The following BMPR1A variants were observed in gnomAD, a reference collection of about 807,000 sequenced individuals.
BMPR1A encodes bone morphogenetic protein receptor type 1A, also known as bone morphogenetic protein receptor type-1A.
BMPR1A carries 7 observed loss-of-function variants against 66.0 expected under a neutral mutation model. That is an observed-to-expected ratio of 0.11 (90% CI 0.06 to 0.20). BMPR1A has a LOEUF of 0.20. Ranked by LOEUF, BMPR1A falls within the 10% of genes least tolerant of loss-of-function variation. BMPR1A has a pLI of 1.00. For missense variants in BMPR1A, 408 were observed against 669.1 expected (o/e 0.61, Z 4.31); for synonymous variants, 200 against 229.7 (o/e 0.87, Z 1.17).
At chr10:86,898,904 G>A (rs984365438) in intron 5 of BMPR1A, among the ~76,000 whole-genome samples, 66 of 152,134 alleles carry the variant, frequency 4.3e-4, no homozygotes, top group African/African-American at 1.5e-3. Context: ...TTGTTTAAAA[G>A]TTATTAATAA....
rs190548372 is a variant in BMPR1A at position 86,788,844 on chromosome 10, C to T, written c.-268+31925C>T. On this transcript the variant is annotated intron_variant, in intron 1 of 12. Transcript: ENST00000372037. ...CTGGTCTCGAACTCCTGACCTTAGG[C>T]GATTCACCCACCTCAGTCTCCCAAA... Among the ~76,000 whole-genome samples, 334 of 152,108 alleles carry T rather than the reference C, an allele frequency of 2.2e-3. 1 individual carries two copies. Among genetic ancestry groups the T allele is most frequent in the African/African-American group, 7.8e-3 (322 of 41,496 alleles).
At chr10:86,791,477 G>A (rs1487827517) in intron 1 of BMPR1A, among the ~76,000 whole-genome samples, 1 of 151,946 alleles carries the variant, frequency 6.6e-6, no homozygotes, top group Non-Finnish European at 1.5e-5. Context: ...CTCCCAAAGT[G>A]CTGGGATTAC....
chr10:86,777,050 A>G (rs1039764359), intron 1 of BMPR1A, among the ~76,000 whole-genome samples: 5 of 152,092 alleles, frequency 3.3e-5, no homozygotes, highest in African/African-American at 9.7e-5. Context: ...CATTGACCCT[A>G]TTATCTTTGC....
intron 1 of BMPR1A, among the ~76,000 whole-genome samples, chr10:86,776,025 CTCTTTTTCTATTTGCCT>C (rs2061289195): frequency 6.6e-6 from 1 of 152,168 alleles, no homozygotes; most frequent in Admixed American, 6.5e-5. Flanking sequence ...TCCATTGTCT[CTCTTTTTCTATTTGCCT>C]TCTTGTTCTT....
intron 1 of BMPR1A, among the ~76,000 whole-genome samples, chr10:86,790,502 A>G (rs1390338017): frequency 6.6e-6 from 1 of 152,070 alleles, no homozygotes; most frequent in Non-Finnish European, 1.5e-5. Context: ...TTGTGCATGA[A>G]AGTTTACAGC....
At chr10:86,818,866 G>T (rs867028411) in intron 1 of BMPR1A, among the ~76,000 whole-genome samples, 1 of 152,116 alleles carries the variant, frequency 6.6e-6, no homozygotes, top group African/African-American at 2.4e-5. Flanking sequence ...ATAGGATACA[G>T]TTTCCAAGAA....
intron 2 of BMPR1A, among the ~76,000 whole-genome samples, chr10:86,854,141 A>G (rs914337259): frequency 5.9e-5 from 9 of 152,212 alleles, no homozygotes; most frequent in Non-Finnish European, 2.9e-5. Context: ...AGAATTCAGC[A>G]ATATTTCTCC....
At position 86,924,010 on chromosome 10, in the gene BMPR1A, GTC is replaced by G; in HGVS notation, c.*294_*295del. 1 of 457,256 alleles carries G rather than the reference GTC, an allele frequency of 2.2e-6. No homozygotes were observed. The highest frequency in any genetic ancestry group is 3.9e-5 in the East Asian group (1 of 25,924). The allele number at this position is 457,256 out of a possible 1,614,324, so 28.3% of individuals were successfully genotyped here. On this transcript the variant is annotated 3_prime_UTR_variant, in exon 13 of 13. Coordinates refer to ENST00000372037, the MANE Select transcript of BMPR1A (RefSeq NM_004329.3). Reference sequence around the variant, plus strand: ...CATCAAGACTTCAATCCTGATTAGTGTCTCCAGTCAAGCTCTGGGTACTGAAT... The same window carrying G: ...CATCAAGACTTCAATCCTGATTAGTGTCCAGTCAAGCTCTGGGTACTGAAT...
chr10:86,904,140 G>A (rs901862948), intron 7 of BMPR1A, among the ~76,000 whole-genome samples: 2 of 152,200 alleles, frequency 1.3e-5, no homozygotes, highest in Non-Finnish European at 2.9e-5. Flanking sequence ...CTGGCCTCAA[G>A]TGATCCACCT....
chr10:86,899,591 A>G (rs552075020), intron 5 of BMPR1A, among the ~76,000 whole-genome samples: 20 of 152,230 alleles, frequency 1.3e-4, no homozygotes, highest in Non-Finnish European at 1.9e-4. Context: ...CACCATCCAC[A>G]TAGATATGTT....
chr10:86,888,416 C>T (rs1352266371), intron 3 of BMPR1A, among the ~76,000 whole-genome samples: 1 of 151,970 alleles, frequency 6.6e-6, no homozygotes, highest in Non-Finnish European at 1.5e-5. Context: ...TGCAGTGAGT[C>T]GAGATTGCAC....
intron 1 of BMPR1A, among the ~76,000 whole-genome samples, chr10:86,828,376 G>C (rs1842224688): frequency 6.6e-6 from 1 of 152,124 alleles, no homozygotes; most frequent in Non-Finnish European, 1.5e-5. Context: ...TGCATTCCAG[G>C]TAGCGGTTCA....
At chr10:86,770,797 G>A (rs1414641334) in intron 1 of BMPR1A, among the ~76,000 whole-genome samples, 1 of 152,222 alleles carries the variant, frequency 6.6e-6, no homozygotes, top group Non-Finnish European at 1.5e-5. Flanking sequence ...GTGGAAAAGG[G>A]AGATTTGACC....
intron 1 of BMPR1A, among the ~76,000 whole-genome samples, chr10:86,792,208 C>G (rs943246680): frequency 7.9e-5 from 12 of 151,472 alleles, no homozygotes; most frequent in African/African-American, 2.7e-4. Flanking sequence ...GCTGGGATTA[C>G]GGGCACACGC....
intron 2 of BMPR1A, among the ~76,000 whole-genome samples, chr10:86,852,151 G>A (rs951135297): frequency 6.6e-6 from 1 of 151,856 alleles, no homozygotes; most frequent in Non-Finnish European, 1.5e-5. Flanking sequence ...TCAAGCACAC[G>A]TGGAGTGTTT....
In BMPR1A at chr10:86,851,690, A is replaced by T. The variant is rs577131887; in HGVS notation, c.-153+12711A>T. ...CATTGTAGTTACTCTGGCAAAGAACAACGAAGACACAAAAGCTGTGCAGAG... is the reference window on the plus strand; with the variant it reads ...CATTGTAGTTACTCTGGCAAAGAACTACGAAGACACAAAAGCTGTGCAGAG... On this transcript the variant is annotated intron_variant, in intron 2 of 12. Coordinates refer to ENST00000372037, the MANE Select transcript of BMPR1A (RefSeq NM_004329.3). Among the ~76,000 whole-genome samples the T allele has an allele frequency of 9.2e-5, 14 of 152,296 alleles. No homozygotes were observed. In the South Asian group the frequency reaches 2.9e-3, roughly 32 times the overall value.
intron 1 of BMPR1A, among the ~76,000 whole-genome samples, chr10:86,759,160 G>A (rs1410214862): frequency 6.6e-6 from 1 of 152,208 alleles, no homozygotes; most frequent in Admixed American, 6.5e-5. Context: ...GGCAGATTGT[G>A]AAGGATGAGC....
chr10:86,900,783 T>C (rs531265228), intron 7 of BMPR1A, among the ~76,000 whole-genome samples: 4 of 152,326 alleles, frequency 2.6e-5, no homozygotes, highest in African/African-American at 7.2e-5. Context: ...TTCTAGATAA[T>C]AGACTTGGAA....
chr10:86,839,980 C>T (rs1043431753), intron 2 of BMPR1A, among the ~76,000 whole-genome samples: 1 of 151,992 alleles, frequency 6.6e-6, no homozygotes, highest in African/African-American at 2.4e-5. Flanking sequence ...GATTTTTTAA[C>T]ATGTTAGAAT....
Sources: allele counts gnomAD v4.1 joint callset (sites outside exome capture counted in the v4.1 genomes callset), GRCh38; gene constraint gnomAD v4.1.1; transcripts MANE v1.5; gene names NCBI Gene and HGNC (gene_info 2026-07-23, HGNC 2026-07-21).